Variants in MMP16 observed in about 807,000 individuals in gnomAD.
MMP16 encodes matrix metallopeptidase 16.
In MMP16, 12 loss-of-function variants were observed where a neutral mutation model predicts 67.8. The observed-to-expected ratio is 0.18, with a 90% CI of 0.11 to 0.29. The LOEUF (loss-of-function observed/expected upper bound fraction) is 0.29, where lower values mean the gene tolerates loss of function less well. Among genes scored for constraint, MMP16 ranks in the 10% least tolerant of loss-of-function variants. The probability of loss-of-function intolerance (pLI) is 1.00; values close to 1 mark genes in which losing one functional copy is unlikely to be tolerated. For synonymous variants in MMP16, 249 were observed against 255.9 expected, an observed-to-expected ratio of 0.97 and a Z score of 0.26; for missense variants, 475 against 765.7, an observed-to-expected ratio of 0.62 and a Z score of 4.48.
chr8:88,190,444 G>A (rs2129764699), intron 2 of MMP16, among the ~76,000 whole-genome samples: 1 of 152,200 alleles, frequency 6.6e-6, no homozygotes, highest in Middle Eastern at 3.4e-3. Flanking sequence ...AGTTCCCAAT[G>A]GATATAAAGA....
chr8:88,208,532 C>T (rs1809463873), intron 1 of MMP16, among the ~76,000 whole-genome samples: 1 of 152,112 alleles, frequency 6.6e-6, no homozygotes, highest in Admixed American at 6.6e-5. Flanking sequence ...TGGCCCCAAA[C>T]ACAACATCTT....
rs28991886 is a variant in MMP16, at chr8:88,074,331, G to A, written c.1222+274C>T. ...ACAAACCTTTAGTCAGTGCAGAAATGGCTATATATCTATTAATCTTTTTTT... is the reference window on the plus strand; with the variant it reads ...ACAAACCTTTAGTCAGTGCAGAAATAGCTATATATCTATTAATCTTTTTTT... On this transcript the variant is annotated intron_variant, in intron 7 of 9. Transcript: ENST00000286614. Among the ~76,000 whole-genome samples the A allele has an allele frequency of 4.0e-3, 603 of 152,120 alleles. 5 individuals are homozygous for A. Among genetic ancestry groups the A allele is most frequent in the African/African-American group, 0.014 (577 of 41,516 alleles).
At chr8:88,285,377 C>T (rs375215870) in intron 1 of MMP16, among the ~76,000 whole-genome samples, 44 of 152,020 alleles carry the variant, frequency 2.9e-4, no homozygotes, top group Non-Finnish European at 2.4e-4. Flanking sequence ...TGACCTCAGG[C>T]GATCCACCCA....
intron 4 of MMP16, among the ~76,000 whole-genome samples, chr8:88,153,280 G>A (rs1286617660): frequency 6.6e-6 from 1 of 152,020 alleles, no homozygotes; most frequent in Non-Finnish European, 1.5e-5. Flanking sequence ...AGTGAAAATG[G>A]CCATACTGCC....
intron 1 of MMP16, among the ~76,000 whole-genome samples, chr8:88,239,995 C>T (rs925935273): frequency 4.6e-5 from 7 of 152,174 alleles, no homozygotes; most frequent in Admixed American, 6.5e-5. Context: ...TTAATGCTGC[C>T]GGCCTTGAGG....
intron 6 of MMP16, among the ~76,000 whole-genome samples, chr8:88,108,358 G>T (rs185854531): frequency 6.6e-6 from 1 of 151,234 alleles, no homozygotes; most frequent in East Asian, 2.0e-4. Context: ...TCTTGATGTT[G>T]TCTGAGAGAG....
intron 1 of MMP16, among the ~76,000 whole-genome samples, chr8:88,229,136 A>G (rs772173246): frequency 1.7e-4 from 26 of 152,242 alleles, no homozygotes; most frequent in Admixed American, 7.9e-4. Flanking sequence ...ATGATGGAAA[A>G]ATGCAAAGGA....
intron 1 of MMP16, among the ~76,000 whole-genome samples, chr8:88,287,631 TAATG>T (rs1388062225): frequency 6.6e-6 from 1 of 152,152 alleles, no homozygotes; most frequent in African/African-American, 2.4e-5. Context: ...TCAAACAAAA[TAATG>T]AATACATAAA....
intron 3 of MMP16, among the ~76,000 whole-genome samples, chr8:88,183,972 C>G (rs1458836449): frequency 6.6e-6 from 1 of 151,760 alleles, no homozygotes; most frequent in African/African-American, 2.4e-5. Flanking sequence ...TCTCAAACTC[C>G]GGAGCTCAAG....
At chr8:88,076,419 G>A (rs954821444) in intron 6 of MMP16, among the ~76,000 whole-genome samples, 4 of 151,944 alleles carry the variant, frequency 2.6e-5, no homozygotes, top group Non-Finnish European at 4.4e-5. Flanking sequence ...CTTGTTCATT[G>A]TTTCCTCTTT....
At chr8:88,226,025 T>C (rs1372296114) in intron 1 of MMP16, among the ~76,000 whole-genome samples, 2 of 151,970 alleles carry the variant, frequency 1.3e-5, no homozygotes, top group Non-Finnish European at 2.9e-5. Context: ...GAGAAAAATT[T>C]CATATACACT....
chr8:88,071,074 T>G (rs1020257304), intron 7 of MMP16, among the ~76,000 whole-genome samples: 8 of 152,072 alleles, frequency 5.3e-5, no homozygotes, highest in Admixed American at 1.3e-4. Flanking sequence ...TACTGACAAC[T>G]CCCACTTCAT....
chr8:88,040,004 T>C lies in MMP16; in HGVS notation c.*1457A>G, dbSNP rs1343982263. On this transcript the variant is annotated 3_prime_UTR_variant, in exon 10 of 10. Coordinates refer to ENST00000286614, the MANE Select transcript of MMP16 (RefSeq NM_005941.5). ...ACTATGGTGGACATGCAATAGGTAATGCACTGGAGGATATTCATGCAACTT... is the reference window on the plus strand; with the variant it reads ...ACTATGGTGGACATGCAATAGGTAACGCACTGGAGGATATTCATGCAACTT... The C allele has an allele frequency of 6.6e-6, 1 of 152,604 alleles. No individual in the cohort carries two copies. Among genetic ancestry groups the C allele is most frequent in the Non-Finnish European group, 1.5e-5 (1 of 68,042 alleles). The allele number at this position is 152,604 out of a possible 1,614,324, so 9.5% of individuals were successfully genotyped here. A position where few individuals can be genotyped will look rare whatever the true frequency, so the allele number is the denominator to read the frequency against.
intron 6 of MMP16, among the ~76,000 whole-genome samples, chr8:88,087,411 G>C (rs1057185348): frequency 6.6e-6 from 1 of 151,824 alleles, no homozygotes; most frequent in Non-Finnish European, 1.5e-5. Context: ...GCATACCTTA[G>C]TTCTCGTAAT....
intron 4 of MMP16, among the ~76,000 whole-genome samples, chr8:88,139,451 T>C (rs1278215330): frequency 6.6e-6 from 1 of 152,108 alleles, no homozygotes; most frequent in African/African-American, 2.4e-5. Context: ...CAAACCATCA[T>C]TTAAGACTCT....
chr8:88,166,576 T>C (rs1413176859), intron 4 of MMP16, among the ~76,000 whole-genome samples: 1 of 150,204 alleles, frequency 6.7e-6, no homozygotes, highest in East Asian at 2.0e-4. Flanking sequence ...TTGCAAAAAA[T>C]GATCTTTGGT....
intron 1 of MMP16, among the ~76,000 whole-genome samples, chr8:88,259,280 C>A (rs994068725): frequency 6.6e-6 from 1 of 152,068 alleles, no homozygotes. Flanking sequence ...AGGCTAAAGT[C>A]AGGAAATTGG....
At chr8:88,260,860 T>C (rs1451206666) in intron 1 of MMP16, among the ~76,000 whole-genome samples, 1 of 152,184 alleles carries the variant, frequency 6.6e-6, no homozygotes, top group African/African-American at 2.4e-5. Context: ...CAGACTTCAA[T>C]CTATAAATAC....
chr8:88,266,146 G>T (rs1317500206), intron 1 of MMP16, among the ~76,000 whole-genome samples: 2 of 152,040 alleles, frequency 1.3e-5, no homozygotes, highest in Non-Finnish European at 2.9e-5. Context: ...TCCCATTATT[G>T]TAACAAAAAT....
Sources: gnomAD v4.1 joint callset for allele counts (sites outside exome capture counted in the v4.1 genomes callset) on GRCh38, gnomAD v4.1.1 for gene constraint, MANE v1.5 for transcripts, NCBI Gene and HGNC (gene_info 2026-07-23, HGNC 2026-07-21) for gene names.